Variants in CACNA2D3 observed in about 807,000 individuals in gnomAD.
The protein encoded by CACNA2D3 is voltage-dependent calcium channel subunit alpha-2/delta-3.
Under a neutral mutation model 160.6 loss-of-function variants are expected in CACNA2D3, and 60 were observed. The ratio of observed to expected loss-of-function variants is 0.37; its 90% CI spans 0.30 to 0.46. The LOEUF (loss-of-function observed/expected upper bound fraction) is 0.46, where lower values mean the gene tolerates loss of function less well. CACNA2D3 is among the 20% of genes least tolerant of loss of function. The pLI is 1.00. For synonymous variants in CACNA2D3, 558 were observed against 492.9 expected (o/e 1.13, Z -1.75); for missense variants, 1,205 against 1,365.0 (o/e 0.88, Z 1.85).
chr3:54,137,774 C>G (rs1364510478), intron 2 of CACNA2D3, among the ~76,000 whole-genome samples: 1 of 148,990 alleles, frequency 6.7e-6, no homozygotes. Context: ...CTATTCTACA[C>G]TATTCTACTC....
intron 3 of CACNA2D3, among the ~76,000 whole-genome samples, chr3:54,375,452 G>A (rs1478627285): frequency 2.0e-5 from 3 of 152,124 alleles, no homozygotes; most frequent in Non-Finnish European, 4.4e-5. Context: ...GGGGTGGGGT[G>A]GGGGTGACAT....
At chr3:54,260,577 C>G (rs560088374) in intron 2 of CACNA2D3, among the ~76,000 whole-genome samples, 3 of 152,316 alleles carry the variant, frequency 2.0e-5, no homozygotes, top group African/African-American at 7.2e-5. Context: ...CCTCCAAATA[C>G]CAGCAACATA....
chr3:54,273,810 T>G (rs1702675382), intron 2 of CACNA2D3, among the ~76,000 whole-genome samples: 1 of 152,194 alleles, frequency 6.6e-6, no homozygotes, highest in Admixed American at 6.5e-5. Context: ...CTTTAAGCTA[T>G]TCTGGTAAGG....
intron 11 of CACNA2D3, among the ~76,000 whole-genome samples, chr3:54,644,495 T>C (rs1699594825): frequency 1.3e-5 from 2 of 152,166 alleles, no homozygotes; most frequent in Admixed American, 6.5e-5. Context: ...CGATTCAGCA[T>C]TGTGTTAAAG....
intron 29 of CACNA2D3, among the ~76,000 whole-genome samples, chr3:54,979,694 G>T (rs1178725945): frequency 2.6e-5 from 4 of 152,134 alleles, no homozygotes; most frequent in Non-Finnish European, 5.9e-5. Context: ...CTCCTGTTCT[G>T]TCATGAACAT....
intron 2 of CACNA2D3, among the ~76,000 whole-genome samples, chr3:54,208,640 G>A (rs2107359360): frequency 6.6e-6 from 1 of 152,264 alleles, no homozygotes; most frequent in Non-Finnish European, 1.5e-5. Flanking sequence ...TCTTGATGGA[G>A]TATAGCCGTG....
At chr3:54,759,106 G>A (rs1341221077) in intron 12 of CACNA2D3, among the ~76,000 whole-genome samples, 1 of 152,200 alleles carries the variant, frequency 6.6e-6, no homozygotes, top group Non-Finnish European at 1.5e-5. Flanking sequence ...TTGTAACCCA[G>A]AGTTCACAGA....
intron 11 of CACNA2D3, among the ~76,000 whole-genome samples, chr3:54,659,405 A>G (rs567929957): frequency 1.3e-5 from 2 of 152,200 alleles, no homozygotes; most frequent in Non-Finnish European, 2.9e-5. Flanking sequence ...TATTTATAGT[A>G]TATCCCTTTT....
chr3:54,660,463 T>G (rs1420049988), intron 11 of CACNA2D3, among the ~76,000 whole-genome samples: 5 of 152,156 alleles, frequency 3.3e-5, no homozygotes, highest in Non-Finnish European at 4.4e-5. Context: ...CCCGGCTGCT[T>G]TCTAAGCTAA....
At chr3:54,286,217 T>A (rs1703021586) in intron 2 of CACNA2D3, among the ~76,000 whole-genome samples, 1 of 152,028 alleles carries the variant, frequency 6.6e-6, no homozygotes, top group Non-Finnish European at 1.5e-5. Flanking sequence ...GAATAACCAA[T>A]GCAGAGAAGT....
At chr3:54,940,428 C>G (rs1317397833) in intron 27 of CACNA2D3, among the ~76,000 whole-genome samples, 1 of 152,256 alleles carries the variant, frequency 6.6e-6, no homozygotes, top group Non-Finnish European at 1.5e-5. Context: ...TAAAATTAAA[C>G]TGTTCCTCAC....
At chr3:54,614,489 T>A (rs1032102041) in intron 9 of CACNA2D3, among the ~76,000 whole-genome samples, 1 of 152,244 alleles carries the variant, frequency 6.6e-6, no homozygotes, top group Non-Finnish European at 1.5e-5. Flanking sequence ...TTTGGAGTAA[T>A]GTTTGCATCA....
At chr3:54,937,110 C>T (rs1701347334) in intron 27 of CACNA2D3, among the ~76,000 whole-genome samples, 1 of 152,168 alleles carries the variant, frequency 6.6e-6, no homozygotes, top group Admixed American at 6.5e-5. Flanking sequence ...GTGCTTTCCA[C>T]TTCTGAAGGT....
chr3:54,816,878 C>T lies in CACNA2D3; in HGVS notation c.1398+8C>T, dbSNP rs200268240. On this transcript the variant is annotated splice_region_variant and intron_variant, in intron 14 of 37. Transcript: ENST00000474759. Reference sequence around the variant, plus strand: ...CTCCCTCAGGCACAAAAGGTAAATTCTCTTCTGTCACATTCCAGTCACCCC... The same window carrying T: ...CTCCCTCAGGCACAAAAGGTAAATTTTCTTCTGTCACATTCCAGTCACCCC... 2.4e-3 allele frequency: 3,832 copies of T among 1,613,732 alleles called. 5 individuals are homozygous for T. The highest frequency in any genetic ancestry group is 2.8e-3 in the Non-Finnish European group (3,351 of 1,179,776).
At chr3:54,946,712 T>C (rs954928566) in intron 27 of CACNA2D3, among the ~76,000 whole-genome samples, 7 of 151,966 alleles carry the variant, frequency 4.6e-5, no homozygotes, top group Non-Finnish European at 8.8e-5. Context: ...GTTGCTTTGC[T>C]CACTTCTCCA....
In CACNA2D3 at chr3:54,415,977, G is replaced by C. The variant is rs562641655; in HGVS notation, c.381+29203G>C. Among the ~76,000 whole-genome samples, 48 of 152,182 alleles carry C rather than the reference G, an allele frequency of 3.2e-4. 2 individuals carry two copies. The South Asian group carries it at 1.0e-2, about 32-fold the overall frequency. ...AAGTAATTCAAAAATAAATTTTCTA[G>C]AATGGTAAATTCTGACCCAGAAATG... On this transcript the variant is annotated intron_variant, in intron 4 of 37. Coordinates refer to ENST00000474759, the MANE Select transcript of CACNA2D3 (RefSeq NM_018398.3).
chr3:54,331,406 G>A (rs1704250952), intron 3 of CACNA2D3, among the ~76,000 whole-genome samples: 1 of 152,104 alleles, frequency 6.6e-6, no homozygotes, highest in African/African-American at 2.4e-5. Flanking sequence ...AGTCAGATTA[G>A]GGTTAGTAGA....
At chr3:54,304,384 G>A (rs1703550592) in intron 2 of CACNA2D3, among the ~76,000 whole-genome samples, 1 of 152,134 alleles carries the variant, frequency 6.6e-6, no homozygotes, top group African/African-American at 2.4e-5. Flanking sequence ...ATTTTGGTGA[G>A]CTGAAGGATG....
At chr3:54,365,468 C>A (rs1698812470) in intron 3 of CACNA2D3, among the ~76,000 whole-genome samples, 1 of 152,208 alleles carries the variant, frequency 6.6e-6, no homozygotes, top group African/African-American at 2.4e-5. Flanking sequence ...TTTTCCTTTC[C>A]TCCTTCCCTT....
Sources: gnomAD v4.1 joint callset for allele counts (sites outside exome capture counted in the v4.1 genomes callset) on GRCh38, gnomAD v4.1.1 for gene constraint, MANE v1.5 for transcripts, NCBI Gene and HGNC (gene_info 2026-07-23, HGNC 2026-07-21) for gene names.